SIAH2: variants seen among roughly 807,000 people sequenced by gnomAD.
The protein encoded by SIAH2 is siah E3 ubiquitin protein ligase 2.
SIAH2 carries 4 observed loss-of-function variants against 20.4 expected under a neutral mutation model. The ratio of observed to expected loss-of-function variants is 0.20; its 90% CI spans 0.10 to 0.45. The LOEUF is 0.45. Ranked by LOEUF, SIAH2 falls within the 20% of genes least tolerant of loss-of-function variation. The probability of loss-of-function intolerance (pLI) is 0.99; values close to 1 mark genes in which losing one functional copy is unlikely to be tolerated. For synonymous variants in SIAH2, 171 were observed against 192.5 expected (o/e 0.89, Z 0.93); for missense variants, 259 against 440.3 (o/e 0.59, Z 3.69).
In SIAH2 at chr3:150,757,660, G is replaced by GA. The variant is rs1019392939; in HGVS notation, c.417+4772dup. 2.2e-4 allele frequency among the ~76,000 whole-genome samples: 34 copies of GA among 151,442 alleles called. No homozygotes were observed. The Middle Eastern group carries it at 0.01, about 45-fold the overall frequency. ...ATACATGTGAAGTCAGCCAATGCTA[G>GA]AAAAAAAATCGAGATATTTAACATA... is the stretch of plus-strand genomic sequence containing the variant. On this transcript the variant is annotated intron_variant, in intron 1 of 1. Coordinates refer to ENST00000312960, the MANE Select transcript of SIAH2 (RefSeq NM_005067.7).
intron 1 of SIAH2, among the ~76,000 whole-genome samples, chr3:150,755,387 T>C (rs1376651646): frequency 1.4e-5 from 2 of 145,574 alleles, no homozygotes; most frequent in African/African-American, 5.2e-5. Context: ...CTGGAGGGTA[T>C]TGGCAAGATC....
chr3:150,760,553 C>A (rs905932367), intron 1 of SIAH2, among the ~76,000 whole-genome samples: 1 of 152,204 alleles, frequency 6.6e-6, no homozygotes, highest in Non-Finnish European at 1.5e-5. Context: ...AAACTTCATG[C>A]TCCATATAGC....
chr3:150,743,163 T>A (rs1159749946), intron 1 of SIAH2, among the ~76,000 whole-genome samples: 1 of 152,192 alleles, frequency 6.6e-6, no homozygotes, highest in African/African-American at 2.4e-5. Context: ...AATTCTGTCG[T>A]CCCCCTCCAC....
chr3:150,762,853 G>A lies in SIAH2; in HGVS notation c.-4C>T. On this transcript the variant is annotated 5_prime_UTR_variant, in exon 1 of 2. Transcript: ENST00000312960. This position sits in a 1 kb window ranked among gnomAD's most constrained non-coding sequence, Gnocchi z 6.6. Reference sequence around the variant, plus strand: ...CGGTGGAGGACGGGCGGCTCATCGCGCTCCGAACCAACCATGGAACTGCGG... The same window carrying A: ...CGGTGGAGGACGGGCGGCTCATCGCACTCCGAACCAACCATGGAACTGCGG... 1 of 1,204,366 alleles carries A rather than the reference G, an allele frequency of 8.3e-7. No individual in the cohort carries two copies. The highest frequency in any genetic ancestry group is 1.0e-6 in the Non-Finnish European group (1 of 956,710). 74.6% of individuals were successfully genotyped at this position (1,204,366 alleles called of 1,614,324 possible). A position where few individuals can be genotyped will look rare whatever the true frequency, so the allele number is the denominator to read the frequency against.
chr3:150,749,380 G>A (rs926708221), intron 1 of SIAH2, among the ~76,000 whole-genome samples: 5 of 151,872 alleles, frequency 3.3e-5, no homozygotes, highest in East Asian at 1.9e-4. Context: ...TGGTGCACAC[G>A]TGTAGTCCCG....
chr3:150,762,737 A>C lies in SIAH2; in HGVS notation c.113T>G (p.Ile38Ser). The C allele has an allele frequency of 8.5e-7, 1 of 1,177,310 alleles. No individual in the cohort carries two copies. The highest frequency in any genetic ancestry group is 1.1e-6 in the Non-Finnish European group (1 of 947,060). 72.9% of individuals were successfully genotyped at this position (1,177,310 alleles called of 1,614,324 possible). A position where few individuals can be genotyped will look rare whatever the true frequency, so the allele number is the denominator to read the frequency against. Residue 38 changes from isoleucine to serine, a missense_variant, in exon 1 of 2, where the codon ATC (isoleucine) becomes AGC (serine). Around this residue, in one of 2 missense-constraint regions of SIAH2, gnomAD observed 99 missense variants for 112.7 expected, o/e 0.88. Coordinates refer to ENST00000312960, the MANE Select transcript of SIAH2 (RefSeq NM_005067.7). This position sits in a 1 kb window ranked among gnomAD's most constrained non-coding sequence, Gnocchi z 6.6. ...GGACGAGCCGGGGCCCGCAGCCGAG[A>C]TGGTGGCGGCGGCCGGGGGCGCAGC... ...SPAAPPAAAT[I>S]SAAGPGSSAV...
chr3:150,749,974 C>G (rs1056259875), intron 1 of SIAH2, among the ~76,000 whole-genome samples: 1 of 152,098 alleles, frequency 6.6e-6, no homozygotes, highest in Non-Finnish European at 1.5e-5. Context: ...ACTTAAGCCC[C>G]CTTTTTCTTT....
At chr3:150,749,794 T>C (rs1180808224) in intron 1 of SIAH2, among the ~76,000 whole-genome samples, 1 of 152,230 alleles carries the variant, frequency 6.6e-6, no homozygotes, top group African/African-American at 2.4e-5. Context: ...TTGGCCCCTA[T>C]AGAAGACAAT....
chr3:150,758,506 A>C (rs1310289391), intron 1 of SIAH2, among the ~76,000 whole-genome samples: 1 of 151,840 alleles, frequency 6.6e-6, no homozygotes, highest in Non-Finnish European at 1.5e-5. Flanking sequence ...GGCATGGAAC[A>C]AGCCACAGAA....
intron 1 of SIAH2, among the ~76,000 whole-genome samples, chr3:150,747,298 T>G (rs1714238962): frequency 6.6e-6 from 1 of 152,216 alleles, no homozygotes; most frequent in Non-Finnish European, 1.5e-5. Context: ...AACCAGCCAT[T>G]AGGCCCTCCC....
chr3:150,748,383 A>C (rs1714275199), intron 1 of SIAH2, among the ~76,000 whole-genome samples: 1 of 152,248 alleles, frequency 6.6e-6, no homozygotes, highest in Non-Finnish European at 1.5e-5. Context: ...TGCAAGCAAA[A>C]TAAGCCTTCT....
chr3:150,758,012 G>T (rs1389305537), intron 1 of SIAH2, among the ~76,000 whole-genome samples: 1 of 152,126 alleles, frequency 6.6e-6, no homozygotes, highest in African/African-American at 2.4e-5. Flanking sequence ...CTGAGGCCAT[G>T]AGTGCATCAA....
chr3:150,757,708 C>T (rs563133741), intron 1 of SIAH2, among the ~76,000 whole-genome samples: 7 of 151,856 alleles, frequency 4.6e-5, no homozygotes, highest in African/African-American at 1.7e-4. Flanking sequence ...AGGCTGGGCA[C>T]GGTGGCTCAC....
chr3:150,762,172 C>T lies in SIAH2; in HGVS notation c.417+261G>A. 1.7e-6 allele frequency: 1 copy of T among 581,520 alleles called. No homozygotes were observed. Among genetic ancestry groups the T allele is most frequent in the Non-Finnish European group, 2.7e-6 (1 of 368,248 alleles). 36.0% of individuals were successfully genotyped at this position (581,520 alleles called of 1,614,324 possible). A position where few individuals can be genotyped will look rare whatever the true frequency, so the allele number is the denominator to read the frequency against. ...GTCTGCAGAGGACGCGGGCATTGGG[C>T]CGGGTGAGCTACGATGTTCTAACGA... On this transcript the variant is annotated intron_variant, in intron 1 of 1. Transcript: ENST00000312960. This position sits in a 1 kb window ranked among gnomAD's most constrained non-coding sequence, Gnocchi z 6.6.
At chr3:150,753,014 A>G (rs1385638071) in intron 1 of SIAH2, among the ~76,000 whole-genome samples, 2 of 152,204 alleles carry the variant, frequency 1.3e-5, no homozygotes, top group African/African-American at 2.4e-5. Flanking sequence ...CTTCACAAGC[A>G]ACTTTGCTGG....
At position 150,762,208 on chromosome 3, in the gene SIAH2, C is replaced by T; in HGVS notation, c.417+225G>A. 1 of 891,124 alleles carries T rather than the reference C, an allele frequency of 1.1e-6. No individual in the cohort carries two copies. Among genetic ancestry groups the T allele is most frequent in the Non-Finnish European group, 1.6e-6 (1 of 623,060 alleles). The allele number at this position is 891,124 out of a possible 1,614,324, so 55.2% of individuals were successfully genotyped here. Reference sequence around the variant, plus strand: ...ACGATGTTCTAACGATCAGCAAATGCCAATTAATCTGTTAATTGTCTATTA... The same window carrying T: ...ACGATGTTCTAACGATCAGCAAATGTCAATTAATCTGTTAATTGTCTATTA... On this transcript the variant is annotated intron_variant, in intron 1 of 1. Transcript: ENST00000312960. The surrounding 1 kb of genome is among the most constrained non-coding windows in gnomAD (Gnocchi z 6.6).
chr3:150,748,688 C>T (rs547611768), intron 1 of SIAH2, among the ~76,000 whole-genome samples: 11 of 152,266 alleles, frequency 7.2e-5, no homozygotes, highest in African/African-American at 2.4e-4. Context: ...AAACCACAAT[C>T]GATATTTTGT....
chr3:150,753,632 A>G (rs573334135), intron 1 of SIAH2, among the ~76,000 whole-genome samples: 8 of 152,252 alleles, frequency 5.3e-5, no homozygotes, highest in Admixed American at 1.3e-4. Context: ...TGTTCCTACA[A>G]AAAATACAAA....
Position 150,741,136 on chromosome 3 carries a change from A to G in SIAH2, c.*1005T>C, listed in dbSNP as rs926984881. ...AATGAAGCACAATATCCATTTTTGG[A>G]AAATATTTATTAAAAAACTAGTGAA... is the stretch of plus-strand genomic sequence containing the variant. On this transcript the variant is annotated 3_prime_UTR_variant, in exon 2 of 2. Coordinates refer to ENST00000312960, the MANE Select transcript of SIAH2 (RefSeq NM_005067.7). The G allele has an allele frequency of 6.6e-6, 1 of 152,618 alleles. No homozygotes were observed. Among genetic ancestry groups the G allele is most frequent in the Non-Finnish European group, 1.5e-5 (1 of 68,038 alleles). The allele number at this position is 152,618 out of a possible 1,614,324, so 9.5% of individuals were successfully genotyped here. A position where few individuals can be genotyped will look rare whatever the true frequency, so the allele number is the denominator to read the frequency against.
Sources: gnomAD v4.1 joint callset for allele counts (sites outside exome capture counted in the v4.1 genomes callset) on GRCh38, gnomAD v4.1.1 for gene constraint, gnomAD v4.1.1 regional missense constraint, Gnocchi (gnomAD v3.1) non-coding constraint, MANE v1.5 for transcripts, NCBI Gene and HGNC (gene_info 2026-07-23, HGNC 2026-07-21) for gene names.